The following SHANK2 variants were observed in gnomAD, a reference collection of about 807,000 sequenced individuals.
The protein encoded by SHANK2 is SH3 and multiple ankyrin repeat domains 2, also known as SH3 and multiple ankyrin repeat domains protein 2.
A neutral mutation model predicts 133.7 loss-of-function variants in SHANK2; 43 were observed. The observed-to-expected ratio is 0.32, with a 90% CI of 0.25 to 0.41. The LOEUF (loss-of-function observed/expected upper bound fraction) is 0.41. Ranked by LOEUF, SHANK2 falls within the 10% of genes least tolerant of loss-of-function variation. The pLI is 1.00. For synonymous variants in SHANK2, 1,017 were observed against 952.8 expected, an observed-to-expected ratio of 1.07 and a Z score of -1.24; for missense variants, 1,994 against 2,235.8, an observed-to-expected ratio of 0.89 and a Z score of 2.18.
intron 21 of SHANK2, chr11:70,496,955 C>A (rs782802209): frequency 6.6e-6 from 3 of 456,674 alleles, no homozygotes; most frequent in South Asian, 4.6e-5. Context: ...ACTGTGGCCA[C>A]CTTGCCTGTG....
intron 1 of SHANK2, among the ~76,000 whole-genome samples, chr11:71,245,452 G>A (rs909392672): frequency 2.0e-5 from 3 of 152,136 alleles, no homozygotes. Context: ...AAGCTTCTGG[G>A]TCCTTCAAAA....
intron 14 of SHANK2, among the ~76,000 whole-genome samples, chr11:70,718,882 T>C (rs1841048793): frequency 6.6e-6 from 1 of 152,154 alleles, no homozygotes; most frequent in African/African-American, 2.4e-5. Flanking sequence ...CAGCCTGGAC[T>C]GAATCCCACT....
chr11:70,955,419 C>T (rs1199676596), intron 10 of SHANK2, among the ~76,000 whole-genome samples: 10 of 89,936 alleles, frequency 1.1e-4, no homozygotes, highest in Middle Eastern at 4.5e-3. Context: ...CACAGACCCA[C>T]GGGGTGTGTG....
intron 11 of SHANK2, among the ~76,000 whole-genome samples, chr11:70,831,919 GCCGGTTGGACA>G (rs1243889672): frequency 3.9e-5 from 6 of 152,234 alleles, no homozygotes; most frequent in Non-Finnish European, 7.3e-5. Flanking sequence ...GCAGCCATGG[GCCGGTTGGACA>G]CCCCCTGACC....
rs60414874 is a variant in SHANK2, at chr11:70,718,700, C to CT, written c.1778-19938dup. 1.0e-3 allele frequency among the ~76,000 whole-genome samples: 134 copies of CT among 129,736 alleles called. 4 individuals are homozygous for CT. Among genetic ancestry groups the CT allele is most frequent in the Middle Eastern group, 4.2e-3 (1 of 240 alleles). 85.1% of individuals were successfully genotyped at this position (129,736 alleles called of 152,430 possible). ...CTCCCTTTTTGATAGAGCTCATTCT[C>CT]TTTTTTTTTTTTTGAATTGCTGGCC... On this transcript the variant is annotated intron_variant, in intron 14 of 25. Coordinates refer to ENST00000601538, the MANE Select transcript of SHANK2 (RefSeq NM_012309.5).
intron 2 of SHANK2, among the ~76,000 whole-genome samples, chr11:71,210,130 G>A (rs1403167201): frequency 6.8e-6 from 1 of 146,208 alleles, no homozygotes; most frequent in Non-Finnish European, 1.5e-5. Context: ...TCCAGGGGCT[G>A]CAAAACCATC....
At chr11:71,109,478 G>A (rs1291410745) in intron 6 of SHANK2, among the ~76,000 whole-genome samples, 1 of 152,230 alleles carries the variant, frequency 6.6e-6, no homozygotes, top group Non-Finnish European at 1.5e-5. Context: ...CCCGACCGAT[G>A]CCCAGAGGCC....
chr11:71,244,340 G>A (rs1954933505), intron 1 of SHANK2, among the ~76,000 whole-genome samples: 1 of 152,226 alleles, frequency 6.6e-6, no homozygotes, highest in African/African-American at 2.4e-5. Context: ...TATCCTGAAC[G>A]ACAAGAAAAG....
chr11:70,863,484 G>T (rs1489379932), intron 11 of SHANK2: 1 of 457,816 alleles, frequency 2.2e-6, no homozygotes, highest in Admixed American at 2.3e-5. Context: ...CGGATTCTGT[G>T]GGGGGTTTTC....
intron 10 of SHANK2, among the ~76,000 whole-genome samples, chr11:70,924,581 C>T (rs922220075): frequency 6.6e-6 from 1 of 152,134 alleles, no homozygotes; most frequent in Non-Finnish European, 1.5e-5. Context: ...CTCAGCCTCC[C>T]GAGTAGCTGG....
At position 71,238,379 on chromosome 11, in the gene SHANK2, T is replaced by C. The variant is rs1043559574; in HGVS notation, c.-112-13583A>G. 2.6e-5 allele frequency among the ~76,000 whole-genome samples: 4 copies of C among 152,360 alleles called. No homozygotes were observed. In the East Asian group the frequency reaches 7.7e-4, roughly 29 times the overall value. The stretch of plus-strand genomic sequence containing the variant: ...TGGATGCTTACCATAGTCTCAGCTT[T>C]ACATAAATTACCTTATTTAATGCTC... On this transcript the variant is annotated intron_variant, in intron 1 of 25. Transcript: ENST00000601538.
In SHANK2 at chr11:70,617,210, GTC is replaced by G. The variant is rs2060757558; in HGVS notation, c.2061+42616_2061+42617del. On this transcript the variant is annotated intron_variant, in intron 17 of 25. Transcript: ENST00000601538. ...TGTCTATGAATGTGTGAGTGTGAGT[GTC>G]TGAGTGTGTTGTGTGTGTGTGCATG... is the stretch of plus-strand genomic sequence containing the variant. Among the ~76,000 whole-genome samples the G allele has an allele frequency of 2.6e-5, 4 of 151,348 alleles. No homozygotes were observed. In the South Asian group the frequency reaches 8.4e-4, roughly 32 times the overall value.
intron 11 of SHANK2, among the ~76,000 whole-genome samples, chr11:70,845,507 G>T (rs1280209364): frequency 2.0e-5 from 3 of 152,248 alleles, no homozygotes; most frequent in East Asian, 1.9e-4. Flanking sequence ...TTGGCCCCGG[G>T]GCCAGCACGG....
intron 17 of SHANK2, among the ~76,000 whole-genome samples, chr11:70,503,234 C>T (rs1389597503): frequency 6.6e-6 from 1 of 152,114 alleles, no homozygotes; most frequent in African/African-American, 2.4e-5. Context: ...TTCTATTTAA[C>T]CTGAGCATCC....
chr11:71,222,746 TC>T (rs1264670574), intron 2 of SHANK2, among the ~76,000 whole-genome samples: 4 of 152,348 alleles, frequency 2.6e-5, no homozygotes, highest in Admixed American at 2.6e-4. Flanking sequence ...CTAATGTCCT[TC>T]CCTCTCTCAG....
intron 17 of SHANK2, among the ~76,000 whole-genome samples, chr11:70,582,194 C>A (rs1554985629): frequency 6.6e-6 from 1 of 152,230 alleles, no homozygotes; most frequent in Non-Finnish European, 1.5e-5. Flanking sequence ...GGGGCTCCAC[C>A]CCAGGGGGCC....
At chr11:70,498,511 G>A (rs540490037) in intron 21 of SHANK2, among the ~76,000 whole-genome samples, 2 of 152,294 alleles carry the variant, frequency 1.3e-5, no homozygotes, top group South Asian at 4.1e-4. Flanking sequence ...ATGTGCCCAG[G>A]GGCAGAGGCC....
At chr11:70,814,862 C>A (rs1342032013) in intron 12 of SHANK2, among the ~76,000 whole-genome samples, 1 of 152,216 alleles carries the variant, frequency 6.6e-6, no homozygotes, top group African/African-American at 2.4e-5. Context: ...GCCAGGGCAG[C>A]CCTTGGGACT....
At chr11:70,832,746 A>T (rs1948744035) in intron 11 of SHANK2, among the ~76,000 whole-genome samples, 1 of 148,012 alleles carries the variant, frequency 6.8e-6, no homozygotes, top group Non-Finnish European at 1.5e-5. Context: ...AGGGCCTTGC[A>T]TGTACCCAGT....
Sources: allele counts gnomAD v4.1 joint callset (sites outside exome capture counted in the v4.1 genomes callset), GRCh38; gene constraint gnomAD v4.1.1; transcripts MANE v1.5; gene names NCBI Gene and HGNC (gene_info 2026-07-23, HGNC 2026-07-21).